PDIA6: variants seen among roughly 807,000 people sequenced by gnomAD.
The protein encoded by PDIA6 is protein disulfide-isomerase A6.
A neutral mutation model predicts 58.4 loss-of-function variants in PDIA6; 29 were observed. The ratio of observed to expected loss-of-function variants is 0.50; its 90% CI spans 0.37 to 0.68. PDIA6 has a LOEUF of 0.68. Among genes scored for constraint, PDIA6 ranks in the 30% least tolerant of loss-of-function variants. The pLI, the probability that PDIA6 is intolerant of heterozygous loss-of-function variation, is 0.00. For missense variants in PDIA6, 480 were observed against 551.0 expected (o/e 0.87, Z 1.29); for synonymous variants, 192 against 202.6 (o/e 0.95, Z 0.44).
chr2:10,783,419 G>A lies in PDIA6; in HGVS notation c.*839C>T, dbSNP rs1665517773. On this transcript the variant is annotated 3_prime_UTR_variant, in exon 13 of 13. Transcript: ENST00000272227. Reference sequence around the variant, plus strand: ...GTGACAGTTGTATTTATTTTTTTAAGTTACAATAAAATGCTCTCAAGTCCT... The same window carrying A: ...GTGACAGTTGTATTTATTTTTTTAAATTACAATAAAATGCTCTCAAGTCCT... 1 of 516,522 alleles carries A rather than the reference G, an allele frequency of 1.9e-6. No individual in the cohort carries two copies. Among genetic ancestry groups the A allele is most frequent in the African/African-American group, 2.0e-5 (1 of 50,998 alleles). 32.0% of individuals were successfully genotyped at this position (516,522 alleles called of 1,614,324 possible).
upstream of PDIA6, among the ~76,000 whole-genome samples, chr2:10,813,376 C>CT (rs1305267982): frequency 6.6e-6 from 1 of 152,242 alleles, no homozygotes; most frequent in Non-Finnish European, 1.5e-5. Context: ...ACCCCAGGGA[C>CT]TTAAGCGGTA....
At chr2:10,807,197 T>C (rs906409252) in intron 1 of PDIA6, among the ~76,000 whole-genome samples, 3 of 152,194 alleles carry the variant, frequency 2.0e-5, no homozygotes, top group Non-Finnish European at 2.9e-5. Context: ...GGCTTTTGGA[T>C]TGAAATAAAT....
exon 1 of PDIA6, chr2:10,832,436 T>C: frequency 1.0e-6 from 1 of 985,434 alleles, no homozygotes; most frequent in Non-Finnish European, 1.2e-6. Context: ...TTAATTCCTG[T>C]TTGAAGCACG....
chr2:10,793,014 T>TA (rs369833449), intron 5 of PDIA6, 82 bp downstream of exon 5: 1 of 901,754 alleles, frequency 1.1e-6, no homozygotes. Flanking sequence ...AACATACTGT[T>TA]AAAAAACAAC....
intron 3 of PDIA6, 61 bp downstream of exon 3, chr2:10,797,639 A>T: frequency 8.8e-7 from 1 of 1,131,858 alleles, no homozygotes; most frequent in Non-Finnish European, 1.3e-6. Context: ...GAATATGGAC[A>T]TCTTAGAAAC....
intron 12 of PDIA6, 120 bp downstream of exon 12, chr2:10,784,814 C>T (rs923217569): frequency 2.6e-5 from 18 of 698,056 alleles, no homozygotes; most frequent in Non-Finnish European, 4.0e-5. Flanking sequence ...CTTAAAAGGC[C>T]CACGGGTGCA....
Position 10,789,805 on chromosome 2 carries a change from C to T in PDIA6, c.784G>A (p.Val262Met), listed in dbSNP as rs751231099. ...GAAAACAAATCAAGGGCCCGGGACA[C>T]GATGTCGGATCTTGTCCGCCCACCG... is the stretch of plus-strand genomic sequence containing the variant. ...YDGGRTRSDI[V>M]SRALDLFSDN... The change falls in exon 8 of 13, where the codon GTG (valine) becomes ATG (methionine). Residue 262 changes from valine to methionine, a missense_variant. Val to Met is a conservative substitution (Grantham distance 21). Coordinates refer to ENST00000272227, the MANE Select transcript of PDIA6 (RefSeq NM_005742.4). The T allele has an allele frequency of 1.3e-5, 21 of 1,613,604 alleles. No homozygotes were observed. The Admixed American group carries it at 1.5e-4, about 12-fold the overall frequency.
chr2:10,837,500 G>A (rs1458331704), intron 1 of PDIA6: 1 of 703,836 alleles, frequency 1.4e-6, no homozygotes, highest in South Asian at 1.5e-5. Context: ...GGTGATTTAA[G>A]GAGCACTTAT....
Position 10,796,962 on chromosome 2 carries a change from T to C in PDIA6, c.346+119A>G, listed in dbSNP as rs7590061. On this transcript the variant is annotated intron_variant, in intron 4 of 12. Transcript: ENST00000272227. Reference sequence around the variant, plus strand: ...TATAGGAATCACTGTGTACCATTTATAGATAATTCAGGTACAATGAGGTTG... The same window carrying C: ...TATAGGAATCACTGTGTACCATTTACAGATAATTCAGGTACAATGAGGTTG... 852 of 809,942 alleles carry C rather than the reference T, an allele frequency of 1.1e-3. 7 individuals are homozygous for C. In the African/African-American group the frequency reaches 0.013, roughly 13 times the overall value. The allele number at this position is 809,942 out of a possible 1,614,324, so 50.2% of individuals were successfully genotyped here.
chr2:10,823,220 T>G (rs1667452746), intron 1 of PDIA6: 1 of 152,232 alleles, frequency 6.6e-6, no homozygotes, highest in African/African-American at 2.4e-5. Context: ...CAGCCAAGCT[T>G]TCCTGCCACA....
At chr2:10,806,449 C>G (rs959466048) in intron 1 of PDIA6, among the ~76,000 whole-genome samples, 3 of 121,510 alleles carry the variant, frequency 2.5e-5, no homozygotes, top group Non-Finnish European at 5.6e-5. Flanking sequence ...TTTACAAGAG[C>G]CAAAAAGTTA....
At chr2:10,795,164 T>C (rs185714960) in intron 4 of PDIA6, among the ~76,000 whole-genome samples, 2 of 152,296 alleles carry the variant, frequency 1.3e-5, no homozygotes, top group East Asian at 3.9e-4. Context: ...TCATGAAGTA[T>C]ACTAGGAAAA....
chr2:10,821,870 C>T (rs559558770), intron 1 of PDIA6, among the ~76,000 whole-genome samples: 39 of 151,816 alleles, frequency 2.6e-4, no homozygotes, highest in African/African-American at 6.5e-4. Context: ...GTGATCCTCC[C>T]GCCTCAGCCT....
upstream of PDIA6, among the ~76,000 whole-genome samples, chr2:10,816,425 C>T (rs1667196738): frequency 6.8e-6 from 1 of 147,312 alleles, no homozygotes; most frequent in African/African-American, 2.5e-5. Context: ...ATTTTCCTCT[C>T]TTTTTTACAG....
intron 1 of PDIA6, among the ~76,000 whole-genome samples, chr2:10,809,864 C>G (rs1187099677): frequency 2.6e-5 from 4 of 152,138 alleles, no homozygotes; most frequent in Admixed American, 6.5e-5. Context: ...CCAATGTAAC[C>G]ATTTTTAATG....
Position 10,791,938 on chromosome 2 carries a change from A to G in PDIA6, c.454-13T>C. 1 of 1,611,826 alleles carries G rather than the reference A, an allele frequency of 6.2e-7. No individual in the cohort carries two copies. Among genetic ancestry groups the G allele is most frequent in the African/African-American group, 1.3e-5 (1 of 74,984 alleles). ...TATCACTTCTGCCCTGTCATTTATG[A>G]CATTAAACATCAAACAATTGGGCCA... On this transcript the variant is annotated splice_polypyrimidine_tract_variant and intron_variant, in intron 5 of 12. Coordinates refer to ENST00000272227, the MANE Select transcript of PDIA6 (RefSeq NM_005742.4).
chr2:10,820,315 T>A (rs1288045723), intron 1 of PDIA6, among the ~76,000 whole-genome samples: 1 of 152,148 alleles, frequency 6.6e-6, no homozygotes, highest in Non-Finnish European at 1.5e-5. Flanking sequence ...CATGAAAAAT[T>A]GATTAGGACC....
At chr2:10,811,957 A>G (rs1667014764) in intron 1 of PDIA6, among the ~76,000 whole-genome samples, 1 of 152,138 alleles carries the variant, frequency 6.6e-6, no homozygotes, top group Non-Finnish European at 1.5e-5. Flanking sequence ...CTTGTTGCCC[A>G]GGCTGGAGTG....
At chr2:10,788,112 A>C (rs1176834768) in intron 10 of PDIA6, among the ~76,000 whole-genome samples, 1 of 151,472 alleles carries the variant, frequency 6.6e-6, no homozygotes, top group East Asian at 1.9e-4. Context: ...CACTGTTTTG[A>C]AAATGTGCCT....
Sources: gnomAD v4.1 joint callset for allele counts (sites outside exome capture counted in the v4.1 genomes callset) on GRCh38, gnomAD v4.1.1 for gene constraint, MANE v1.5 for transcripts, NCBI Gene and HGNC (gene_info 2026-07-23, HGNC 2026-07-21) for gene names.